TTI1: variants seen among roughly 807,000 people sequenced by gnomAD.
TTI1 encodes TELO2-interacting protein 1 homolog.
Under a neutral mutation model 85.4 loss-of-function variants are expected in TTI1, and 52 were observed. The ratio of observed to expected loss-of-function variants is 0.61; its 90% confidence interval spans 0.49 to 0.77. The LOEUF (loss-of-function observed/expected upper bound fraction) is 0.77. Among genes scored for constraint, TTI1 ranks in the 30% least tolerant of loss-of-function variants. The pLI, the probability that TTI1 is intolerant of heterozygous loss-of-function variation, is 0.00. For synonymous variants in TTI1, 512 were observed against 503.9 expected, an observed-to-expected ratio of 1.02 and a Z score of -0.22; for missense variants, 1,173 against 1,296.0, an observed-to-expected ratio of 0.91 and a Z score of 1.46.
At chr20:38,015,688 T>C (rs1303292387) in intron 1 of TTI1, among the ~76,000 whole-genome samples, 1 of 152,184 alleles carries the variant, frequency 6.6e-6, no homozygotes, top group Admixed American at 6.5e-5. Context: ...ACACCAAAGA[T>C]GTCTCTTAGA....
chr20:38,029,305 T>C (rs1444970239), intron 1 of TTI1, among the ~76,000 whole-genome samples: 4 of 152,050 alleles, frequency 2.6e-5, no homozygotes, highest in Middle Eastern at 3.2e-3. Flanking sequence ...GATACAGCTA[T>C]AGCCATGCTG....
intron 7 of TTI1, among the ~76,000 whole-genome samples, chr20:37,995,036 G>C (rs573452687): frequency 4.9e-4 from 74 of 152,318 alleles, no homozygotes; most frequent in African/African-American, 1.1e-3. Context: ...TTTACTTCAA[G>C]ATAAACTCAT....
At chr20:38,022,220 T>C (rs1644727411) in intron 1 of TTI1, among the ~76,000 whole-genome samples, 1 of 152,152 alleles carries the variant, frequency 6.6e-6, no homozygotes, top group Non-Finnish European at 1.5e-5. Flanking sequence ...TGCTGTTCTC[T>C]CCCCCATGTC....
At chr20:38,016,512 A>G (rs1370098141) in intron 1 of TTI1, among the ~76,000 whole-genome samples, 1 of 152,226 alleles carries the variant, frequency 6.6e-6, no homozygotes, top group Non-Finnish European at 1.5e-5. Flanking sequence ...ATGGGAATAC[A>G]CAGTATGTCT....
intron 2 of TTI1, among the ~76,000 whole-genome samples, chr20:38,008,262 A>AT (rs1231034211): frequency 2.0e-5 from 3 of 152,226 alleles, no homozygotes; most frequent in Non-Finnish European, 2.9e-5. Context: ...TTAAACCAGC[A>AT]TTTTTTTCAG....
intron 6 of TTI1, 67 bp from the exon 7 acceptor site, chr20:37,996,529 T>A: frequency 6.3e-7 from 1 of 1,576,702 alleles, no homozygotes; most frequent in Non-Finnish European, 8.7e-7. Flanking sequence ...AGTGACCAAC[T>A]GTGTCTGGAG....
Position 37,983,541 on chromosome 20 carries a change from A to G in TTI1, c.3185T>C (p.Leu1062Pro). 1.9e-6 allele frequency: 3 copies of G among 1,611,580 alleles called. No individual in the cohort carries two copies. The highest frequency in any genetic ancestry group is 2.5e-6 in the Non-Finnish European group (3 of 1,179,244). Residue 1062 changes from leucine (L) to proline (P), a missense_variant, in exon 8 of 8, where the codon CTC (leucine) becomes CCC (proline). Physicochemically the swap from Leu to Pro is moderately conservative, Grantham distance 98. Transcript: ENST00000373447. ...PVQFTPPHPS[L>P]HPVQLHGASG... ...GGCCCCGTGCAGCTGCACAGGGTGG[A>G]GGCTGGGGTGGGGAGGTGTGAACTG...
At chr20:38,027,044 A>G (rs981964819) in intron 1 of TTI1, among the ~76,000 whole-genome samples, 1 of 152,246 alleles carries the variant, frequency 6.6e-6, no homozygotes, top group Non-Finnish European at 1.5e-5. Context: ...GATAAATCAC[A>G]TGGAATTCTA....
At position 38,013,775 on chromosome 20, in the gene TTI1, T is replaced by A. The variant is rs763278906; in HGVS notation, c.42A>T (p.Leu14Phe). The A allele has an allele frequency of 1.2e-6, 2 of 1,613,946 alleles. No homozygotes were observed. The highest frequency in any genetic ancestry group is 4.5e-5 in the East Asian group (2 of 44,890). Residue 14 changes from leucine (L) to phenylalanine (F), a missense_variant, in exon 2 of 8, where the codon TTA (leucine) becomes TTT (phenylalanine). Transcript: ENST00000373447. The stretch of plus-strand genomic sequence containing the variant: ...TTGTGAGCTGAACACAGACTGGACG[T>A]AAGACACCAAAGGCCTCCTCAGGAG... ...FDTPEEAFGV[L>F]RPVCVQLTKT...
intron 1 of TTI1, among the ~76,000 whole-genome samples, chr20:38,030,562 C>CAT (rs11474348): frequency 1.5e-4 from 23 of 150,976 alleles, no homozygotes; most frequent in Admixed American, 1.1e-3. Context: ...CACACACACA[C>CAT]CATGATAAAG....
At chr20:38,020,098 A>G (rs1459401373) in intron 1 of TTI1, among the ~76,000 whole-genome samples, 1 of 151,938 alleles carries the variant, frequency 6.6e-6, no homozygotes, top group African/African-American at 2.4e-5. Context: ...CAGAACTTAC[A>G]CTAACTGATT....
chr20:38,017,133 T>G (rs1426988157), intron 1 of TTI1, among the ~76,000 whole-genome samples: 1 of 152,184 alleles, frequency 6.6e-6, no homozygotes, highest in Admixed American at 6.5e-5. Flanking sequence ...TTACCTAGTT[T>G]AGACTAGAGG....
intron 7 of TTI1, among the ~76,000 whole-genome samples, chr20:37,992,745 G>T (rs1248628005): frequency 6.6e-6 from 1 of 152,178 alleles, no homozygotes; most frequent in East Asian, 1.9e-4. Flanking sequence ...GTTCAACTAG[G>T]CTAAGTACAT....
intron 1 of TTI1, among the ~76,000 whole-genome samples, chr20:38,027,501 A>G (rs1384718266): frequency 6.6e-6 from 1 of 152,220 alleles, no homozygotes; most frequent in Admixed American, 6.5e-5. Context: ...AAACTTAACT[A>G]TTGACAGCCT....
intron 1 of TTI1, among the ~76,000 whole-genome samples, chr20:38,024,049 T>A (rs1487383286): frequency 6.6e-6 from 1 of 152,188 alleles, no homozygotes; most frequent in Non-Finnish European, 1.5e-5. Flanking sequence ...ATTACACTAA[T>A]ACTATGTGCC....
chr20:37,999,919 A>C (rs1055964171), intron 4 of TTI1, among the ~76,000 whole-genome samples: 1 of 152,180 alleles, frequency 6.6e-6, no homozygotes, highest in Non-Finnish European at 1.5e-5. Flanking sequence ...TGTTTTAAGC[A>C]GGAAAGTGAC....
intron 1 of TTI1, among the ~76,000 whole-genome samples, chr20:38,022,529 G>C (rs2073783421): frequency 6.6e-6 from 1 of 152,096 alleles, no homozygotes; most frequent in African/African-American, 2.4e-5. Flanking sequence ...TGCAAGATCT[G>C]GTTCTGTCAT....
In TTI1 at chr20:37,991,447, C is replaced by A. The variant is rs149044306; in HGVS notation, c.3086+4928G>T. On this transcript the variant is annotated intron_variant, in intron 7 of 7. Coordinates refer to ENST00000373447, the MANE Select transcript of TTI1 (RefSeq NM_001303457.2). ...AGGGATGAAATGAATGAGCCTGTGC[C>A]GGTCTGTGTTCGTCCAGGGTTTGAA... Among the ~76,000 whole-genome samples the A allele has an allele frequency of 3.4e-3, 525 of 152,274 alleles. 2 individuals are homozygous for A. Among genetic ancestry groups the A allele is most frequent in the African/African-American group, 0.012 (496 of 41,552 alleles).
At chr20:38,014,296 G>C (rs536464195) in intron 1 of TTI1, among the ~76,000 whole-genome samples, 9 of 152,312 alleles carry the variant, frequency 5.9e-5, no homozygotes, top group African/African-American at 1.7e-4. Flanking sequence ...GTACAGCTCA[G>C]TGAATTTTTG....
Sources: gnomAD v4.1 joint callset for allele counts (sites outside exome capture counted in the v4.1 genomes callset) on GRCh38, gnomAD v4.1.1 for gene constraint, MANE v1.5 for transcripts, NCBI Gene and HGNC (gene_info 2026-07-23, HGNC 2026-07-21) for gene names.